The following BCAR3 variants were observed in gnomAD, a reference collection of about 807,000 sequenced individuals.
BCAR3 encodes the protein BCAR3 adaptor protein, NSP family member.
BCAR3 carries 37 observed loss-of-function variants against 80.1 expected under a neutral mutation model. The observed-to-expected ratio is 0.46, with a 90% confidence interval of 0.36 to 0.61. BCAR3 has a LOEUF of 0.61. Ranked by LOEUF, BCAR3 falls within the 20% of genes least tolerant of loss-of-function variation. The pLI is 0.00. For synonymous variants in BCAR3, 389 were observed against 418.9 expected (o/e 0.93, Z 0.87); for missense variants, 978 against 1,068.2 (o/e 0.92, Z 1.18).
chr1:93,750,775 G>T (rs1651529783), intron 2 of BCAR3, among the ~76,000 whole-genome samples: 1 of 152,162 alleles, frequency 6.6e-6, no homozygotes, highest in Non-Finnish European at 1.5e-5. Flanking sequence ...CCCAGGTCAG[G>T]CTCAAGACAT....
At chr1:93,665,229 T>C (rs1215806295) in intron 2 of BCAR3, among the ~76,000 whole-genome samples, 2 of 152,094 alleles carry the variant, frequency 1.3e-5, no homozygotes, top group African/African-American at 4.8e-5. Context: ...TTGGGGAATG[T>C]CCAGGACCGC....
At chr1:93,724,858 C>T (rs1435852758) in intron 2 of BCAR3, among the ~76,000 whole-genome samples, 1 of 152,176 alleles carries the variant, frequency 6.6e-6, no homozygotes, top group Non-Finnish European at 1.5e-5. Context: ...ACCCACCAAC[C>T]CATAAAGACC....
chr1:93,669,294 T>C (rs1648090094), intron 2 of BCAR3, among the ~76,000 whole-genome samples: 1 of 152,204 alleles, frequency 6.6e-6, no homozygotes, highest in Admixed American at 6.5e-5. Context: ...AGGGCATTGA[T>C]ACAGCCCAGA....
At chr1:93,772,852 C>G (rs1254669604) in intron 2 of BCAR3, among the ~76,000 whole-genome samples, 1 of 152,168 alleles carries the variant, frequency 6.6e-6, no homozygotes, top group Non-Finnish European at 1.5e-5. Flanking sequence ...GATCCGCCCA[C>G]CTCAGCCTCC....
Position 93,749,888 on chromosome 1 carries a change from TA to T in BCAR3, c.-62-43747del, listed in dbSNP as rs1342547360. Among the ~76,000 whole-genome samples the T allele has an allele frequency of 1.1e-3, 159 of 147,648 alleles. 2 individuals are homozygous for T. The highest frequency in any genetic ancestry group is 3.3e-3 in the African/African-American group (131 of 40,104). On this transcript the variant is annotated intron_variant, in intron 2 of 13. Transcript: ENST00000370244. ...AATTTGCTTAAAGATGATCTTGACT[TA>T]TTTTTTTTTTTTTTTTGCTTCTCCT...
intron 2 of BCAR3, among the ~76,000 whole-genome samples, chr1:93,838,509 G>A (rs182935533): frequency 1.0e-3 from 157 of 152,146 alleles, no homozygotes; most frequent in Non-Finnish European, 1.7e-3. Context: ...GCCACACTGG[G>A]GATCAAATAT....
chr1:93,767,161 C>T (rs1278249633), intron 2 of BCAR3, among the ~76,000 whole-genome samples: 4 of 151,222 alleles, frequency 2.6e-5, no homozygotes, highest in Non-Finnish European at 5.9e-5. Flanking sequence ...CAGTAGTTAT[C>T]CAGGCAGGGT....
At chr1:93,643,154 G>A (rs1676037710) in intron 2 of BCAR3, among the ~76,000 whole-genome samples, 1 of 151,062 alleles carries the variant, frequency 6.6e-6, no homozygotes, top group Non-Finnish European at 1.5e-5. Flanking sequence ...TTGAACCCAG[G>A]AGGCAGAGGT....
chr1:93,662,812 C>T (rs764420526), intron 2 of BCAR3, among the ~76,000 whole-genome samples: 65 of 152,302 alleles, frequency 4.3e-4, no homozygotes, highest in African/African-American at 1.3e-3. Context: ...ATTCAAAAAT[C>T]GTTGTCTTGA....
chr1:93,693,907 C>T lies in BCAR3; in HGVS notation c.-12+12185G>A, dbSNP rs560227633. On this transcript the variant is annotated intron_variant, in intron 3 of 13. Coordinates refer to the BCAR3 transcript ENST00000370244. ...AGTGGTCTCCACCACCAAGGCTCTG[C>T]CTCTTGCTTGAGCCCCTGAGCACCT... is the stretch of plus-strand genomic sequence containing the variant. 5.9e-5 allele frequency among the ~76,000 whole-genome samples: 9 copies of T among 152,324 alleles called. No homozygotes were observed. In the South Asian group the frequency reaches 1.9e-3, roughly 32 times the overall value.
chr1:93,688,056 A>C (rs1043389924), intron 3 of BCAR3, among the ~76,000 whole-genome samples: 15 of 152,224 alleles, frequency 9.9e-5, no homozygotes, highest in African/African-American at 3.1e-4. Context: ...ATATTTTCAG[A>C]AGTCTTACCC....
intron 2 of BCAR3, chr1:93,753,130 C>T (rs12411056): frequency 0.12 from 17,809 of 152,188 alleles, 1,461 homozygotes; most frequent in African/African-American, 0.22. Flanking sequence ...CTTTAAGAAC[C>T]TTTGAAGTAA....
At chr1:93,572,572 G>T (rs74101607) in intron 8 of BCAR3, among the ~76,000 whole-genome samples, 3,027 of 152,226 alleles carry the variant, frequency 0.02, 94 homozygotes, top group African/African-American at 0.069. Flanking sequence ...TCTTTTCTCC[G>T]CATGACAACA....
chr1:93,821,938 A>AC, intron 2 of BCAR3, among the ~76,000 whole-genome samples: 1 of 152,140 alleles, frequency 6.6e-6, no homozygotes, highest in East Asian at 1.9e-4. Context: ...CTTGTATTTA[A>AC]CCACTGTACC....
chr1:93,578,037 T>C (rs1673527577), intron 7 of BCAR3, among the ~76,000 whole-genome samples: 1 of 152,126 alleles, frequency 6.6e-6, no homozygotes, highest in South Asian at 2.1e-4. Flanking sequence ...AGGACAAACA[T>C]GTCTAGAGCA....
At chr1:93,687,771 C>T (rs899693114) in intron 3 of BCAR3, among the ~76,000 whole-genome samples, 5 of 152,286 alleles carry the variant, frequency 3.3e-5, no homozygotes, top group Admixed American at 3.3e-4. Flanking sequence ...AGTCCCATCC[C>T]GTAACAGCAC....
intron 2 of BCAR3, among the ~76,000 whole-genome samples, chr1:93,642,560 C>T (rs1676016202): frequency 6.6e-6 from 1 of 152,078 alleles, no homozygotes; most frequent in South Asian, 2.1e-4. Context: ...AAATTCAGGC[C>T]CCAGAATGTT....
intron 5 of BCAR3, among the ~76,000 whole-genome samples, 195 bp from the exon 6 acceptor site, chr1:93,584,316 G>A (rs1673853962): frequency 6.6e-6 from 1 of 152,194 alleles, no homozygotes; most frequent in Non-Finnish European, 1.5e-5. Context: ...ATATATGACT[G>A]TGTTGTGTAC....
intron 2 of BCAR3, among the ~76,000 whole-genome samples, chr1:93,804,895 T>C (rs879265254): frequency 6.6e-5 from 10 of 152,248 alleles, no homozygotes; most frequent in Admixed American, 5.9e-4. Context: ...TGTGGAATTA[T>C]GTTTCACGTC....
Sources: allele counts gnomAD v4.1 joint callset (sites outside exome capture counted in the v4.1 genomes callset), GRCh38; gene constraint gnomAD v4.1.1; transcripts MANE v1.5; gene names NCBI Gene and HGNC (gene_info 2026-07-23, HGNC 2026-07-21).